Variants in NHS observed in about 807,000 individuals in gnomAD.
NHS encodes NHS actin remodeling regulator, also known as actin remodeling regulator NHS.
In NHS, 5 loss-of-function variants were observed where a neutral mutation model predicts 72.5. That is an observed-to-expected ratio of 0.07 (90% CI 0.04 to 0.14). The LOEUF is 0.14. Ranked by LOEUF, NHS falls within the 10% of genes least tolerant of loss-of-function variation. The pLI is 1.00. For synonymous variants in NHS, 464 were observed against 547.7 expected (o/e 0.85, Z 2.13); for missense variants, 1,072 against 1,355.7 (o/e 0.79, Z 3.29).
chrX:17,494,037 A>G (rs753369985), intron 1 of NHS, among the ~76,000 whole-genome samples: 2 of 108,448 alleles, frequency 1.8e-5, no homozygotes, highest in Non-Finnish European at 3.8e-5. Flanking sequence ...TAAATGAGGC[A>G]ATGGCTCTGG....
intron 1 of NHS, among the ~76,000 whole-genome samples, chrX:17,656,259 A>G (rs902168239): frequency 1.1e-4 from 13 of 113,168 alleles, no homozygotes; most frequent in Non-Finnish European, 2.4e-4. Context: ...CGGGCTGCCC[A>G]GGGCCGAGCC....
intron 1 of NHS, among the ~76,000 whole-genome samples, chrX:17,430,259 T>TTTTCTTCCTTTC: frequency 1.9e-5 from 1 of 51,570 alleles, no homozygotes; most frequent in Non-Finnish European, 3.4e-5. Context: ...CCCTCTTTCT[T>TTTTCTTCCTTTC]TTTCTTTCTT....
chrX:17,453,162 G>C (rs1473266844), intron 1 of NHS, among the ~76,000 whole-genome samples: 3 of 110,654 alleles, frequency 2.7e-5, no homozygotes, highest in Non-Finnish European at 5.7e-5. Flanking sequence ...AAAATTGGCT[G>C]TTGACATACA....
intron 3 of NHS, among the ~76,000 whole-genome samples, chrX:17,713,520 CAGTT>C (rs1375631664): frequency 2.7e-5 from 3 of 112,361 alleles, no homozygotes; most frequent in Admixed American, 1.9e-4. Context: ...CATGTGGTAT[CAGTT>C]AGATCACAAA....
rs768210495 is a variant in NHS, at chrX:17,544,889, G to A, written c.566-142853G>A. Among the ~76,000 whole-genome samples the A allele has an allele frequency of 8.9e-5, 10 of 112,569 alleles. 1 individual carries two copies. Among genetic ancestry groups the A allele is most frequent in the African/African-American group, 2.6e-4 (8 of 31,059 alleles). On this transcript the variant is annotated intron_variant, in intron 1 of 8. Transcript: ENST00000676302. ...CAAGTTCAATGTCTAAAGTCATCCC[G>A]GGCAGATGATCTTTTGTTATTCTGT...
At chrX:17,574,776 T>C (rs1394356393) in intron 1 of NHS, among the ~76,000 whole-genome samples, 7 of 111,439 alleles carry the variant, frequency 6.3e-5, no homozygotes, top group Non-Finnish European at 1.3e-4. Context: ...ACCCGTCTTC[T>C]GCATCGATCT....
chrX:17,428,634 A>G (rs1180742924), intron 1 of NHS, among the ~76,000 whole-genome samples: 1 of 111,804 alleles, frequency 8.9e-6, no homozygotes, highest in Non-Finnish European at 1.9e-5. Context: ...TTTGGGAGGC[A>G]TGCATATGGA....
At chrX:17,585,618 T>G (rs1244923642) in intron 1 of NHS, among the ~76,000 whole-genome samples, 4 of 109,516 alleles carry the variant, frequency 3.7e-5, no homozygotes, top group African/African-American at 3.3e-5. Context: ...TGAGGAGGGG[T>G]CCCCCAGGTA....
intron 1 of NHS, among the ~76,000 whole-genome samples, chrX:17,422,541 T>C (rs941889015): frequency 8.9e-6 from 1 of 111,893 alleles, no homozygotes; most frequent in African/African-American, 3.3e-5. Flanking sequence ...TTCTTTGCTG[T>C]GGAGCTGTCT....
At chrX:17,517,001 G>C (rs1420218160) in intron 1 of NHS, among the ~76,000 whole-genome samples, 10 of 112,350 alleles carry the variant, frequency 8.9e-5, no homozygotes, top group African/African-American at 3.2e-4. Flanking sequence ...TTGGGTATCT[G>C]TCTAGTGGAA....
intron 1 of NHS, among the ~76,000 whole-genome samples, chrX:17,472,760 T>C (rs2064897775): frequency 8.9e-6 from 1 of 111,782 alleles, no homozygotes; most frequent in Non-Finnish European, 1.9e-5. Flanking sequence ...TCAGTCTGGA[T>C]TTTTTGGACC....
At chrX:17,536,772 C>G (rs745857332) in intron 1 of NHS, among the ~76,000 whole-genome samples, 4 of 112,592 alleles carry the variant, frequency 3.6e-5, no homozygotes, top group South Asian at 7.3e-4. Flanking sequence ...AGGAAACTTT[C>G]TATAAATGGG....
At chrX:17,449,225 A>G (rs1227689751) in intron 1 of NHS, among the ~76,000 whole-genome samples, 2 of 113,442 alleles carry the variant, frequency 1.8e-5, no homozygotes, top group Middle Eastern at 4.6e-3. Flanking sequence ...TCATTGCCCC[A>G]TGGCAGTGGG....
chrX:17,648,089 A>G (rs186744544), intron 1 of NHS, among the ~76,000 whole-genome samples: 47 of 111,769 alleles, frequency 4.2e-4, no homozygotes, highest in Middle Eastern at 4.6e-3. Flanking sequence ...AAAGAACGGC[A>G]TTAGTTAGCC....
Position 17,687,467 on chromosome X carries a change from G to A in NHS, c.566-275G>A, listed in dbSNP as rs2066169591. The stretch of plus-strand genomic sequence containing the variant: ...GTTGATGAGCGACTGTGCCAAGGGT[G>A]AGGAATGAAGGTACGGAGAGGAAAT... On this transcript the variant is annotated intron_variant, in intron 1 of 8. Coordinates refer to ENST00000676302, the MANE Select transcript of NHS (RefSeq NM_001291867.2). 5 of 382,616 alleles carry A rather than the reference G, an allele frequency of 1.3e-5. No individual in the cohort carries two copies. The East Asian group carries it at 2.4e-4, about 18-fold the overall frequency. 31.5% of individuals were successfully genotyped at this position (382,616 alleles called of 1,213,427 possible).
chrX:17,702,624 T>C (rs1373619035), intron 3 of NHS, among the ~76,000 whole-genome samples: 1 of 111,144 alleles, frequency 9.0e-6, no homozygotes, highest in African/African-American at 3.3e-5. Flanking sequence ...GAAGCAGAGG[T>C]TGCAGTGAGC....
chrX:17,684,589 C>T (rs1005027806), intron 1 of NHS, among the ~76,000 whole-genome samples: 4 of 112,168 alleles, frequency 3.6e-5, no homozygotes, highest in South Asian at 3.7e-4. Flanking sequence ...CTCCACAACA[C>T]GACAGTTTGC....
intron 3 of NHS, among the ~76,000 whole-genome samples, chrX:17,712,602 G>C (rs1412245012): frequency 9.2e-6 from 1 of 108,539 alleles, no homozygotes; most frequent in Admixed American, 9.9e-5. Context: ...AACTCAGTAG[G>C]CACCTGTTCC....
At chrX:17,717,629 G>A (rs2066372181) in intron 3 of NHS, among the ~76,000 whole-genome samples, 1 of 112,010 alleles carries the variant, frequency 8.9e-6, no homozygotes, top group South Asian at 3.7e-4. Context: ...ATAATTTCTG[G>A]GGTCCAGTGA....
Sources: gnomAD v4.1 joint callset for allele counts (sites outside exome capture counted in the v4.1 genomes callset) on GRCh38, gnomAD v4.1.1 for gene constraint, MANE v1.5 for transcripts, NCBI Gene and HGNC (gene_info 2026-07-23, HGNC 2026-07-21) for gene names.